Variants in CHN1 observed in about 807,000 individuals in gnomAD.
CHN1 encodes N-chimaerin.
Under a neutral mutation model 59.5 loss-of-function variants are expected in CHN1, and 37 were observed. The ratio of observed to expected loss-of-function variants is 0.62; its 90% CI spans 0.48 to 0.82. The LOEUF (loss-of-function observed/expected upper bound fraction) is 0.82, where lower values mean the gene tolerates loss of function less well. Ranked by LOEUF, CHN1 falls within the 40% of genes least tolerant of loss-of-function variation. The pLI is 0.00. For missense variants in CHN1, 469 were observed against 571.0 expected (o/e 0.82, Z 1.82); for synonymous variants, 206 against 200.4 (o/e 1.03, Z -0.24).
chr2:174,846,396 T>C, intron 7 of CHN1: 1 of 1,545,750 alleles, frequency 6.5e-7, no homozygotes, highest in Non-Finnish European at 8.7e-7. Context: ...CCATCCTCCT[T>C]TCATCATGGT....
At chr2:174,953,820 A>G (rs1358480152) in intron 1 of CHN1, among the ~76,000 whole-genome samples, 1 of 152,240 alleles carries the variant, frequency 6.6e-6, no homozygotes, top group Non-Finnish European at 1.5e-5. Context: ...AACACATCCC[A>G]TGCTCACGGA....
At chr2:174,962,532 C>G (rs991185734) in intron 1 of CHN1, among the ~76,000 whole-genome samples, 20 of 152,188 alleles carry the variant, frequency 1.3e-4, no homozygotes, top group African/African-American at 4.6e-4. Context: ...CTGTCAAACT[C>G]CATCAGCAGA....
intron 5 of CHN1, among the ~76,000 whole-genome samples, chr2:174,885,753 G>A (rs1175890513): frequency 6.6e-6 from 1 of 152,152 alleles, no homozygotes; most frequent in Admixed American, 6.5e-5. Flanking sequence ...TTACATTCGT[G>A]AGCCTGGCCT....
chr2:174,944,784 G>T, intron 3 of CHN1, 104 bp downstream of exon 3: 2 of 709,488 alleles, frequency 2.8e-6, no homozygotes, highest in Non-Finnish European at 2.4e-6. Flanking sequence ...ATCGATTAGT[G>T]TTAAGTGGTT....
chr2:174,858,201 C>T (rs891356976), intron 6 of CHN1, among the ~76,000 whole-genome samples: 3 of 152,094 alleles, frequency 2.0e-5, no homozygotes, highest in Non-Finnish European at 4.4e-5. Flanking sequence ...GGGCCTGTTA[C>T]AGACTTCTTT....
intron 5 of CHN1, among the ~76,000 whole-genome samples, chr2:174,893,338 G>C (rs558890384): frequency 6.6e-6 from 1 of 152,154 alleles, no homozygotes; most frequent in Admixed American, 6.5e-5. Context: ...TGAACAATCC[G>C]AAAGGGTAAC....
intron 1 of CHN1, among the ~76,000 whole-genome samples, chr2:174,958,989 A>G (rs890075665): frequency 1.3e-5 from 2 of 152,236 alleles, no homozygotes; most frequent in African/African-American, 2.4e-5. Context: ...ATGGCCAAAT[A>G]AATTTAGTAT....
intron 11 of CHN1, among the ~76,000 whole-genome samples, chr2:174,805,480 T>G (rs1413423168): frequency 6.6e-6 from 1 of 152,182 alleles, no homozygotes; most frequent in Non-Finnish European, 1.5e-5. Context: ...CTCCTCCCTT[T>G]AAAAGGGATT....
intron 1 of CHN1, among the ~76,000 whole-genome samples, chr2:174,983,285 A>T (rs969853783): frequency 3.3e-5 from 5 of 152,290 alleles, no homozygotes; most frequent in African/African-American, 7.2e-5. Context: ...CTTTTGTTTT[A>T]AAAAAAGTTG....
intron 7 of CHN1, chr2:174,846,551 G>A: frequency 2.5e-6 from 3 of 1,204,908 alleles, no homozygotes; most frequent in East Asian, 2.7e-5. Context: ...CTCCAACAGA[G>A]GTATTCAGAC....
chr2:174,918,673 T>C lies in CHN1; in HGVS notation c.115-108A>G. Reference sequence around the variant, plus strand: ...AGTAAAGCATATATTAAAAAAAGAATTCAAATAACAGAGTATGGAGTCCCA... The same window carrying C: ...AGTAAAGCATATATTAAAAAAAGAACTCAAATAACAGAGTATGGAGTCCCA... On this transcript the variant is annotated intron_variant, in intron 3 of 12. Transcript: ENST00000409900. The C allele has an allele frequency of 5.5e-6, 5 of 914,940 alleles. No individual in the cohort carries two copies. The Middle Eastern group carries it at 9.9e-4, about 182-fold the overall frequency. The allele number at this position is 914,940 out of a possible 1,614,324, so 56.7% of individuals were successfully genotyped here. A position where few individuals can be genotyped will look rare whatever the true frequency, so the allele number is the denominator to read the frequency against.
At chr2:174,829,698 A>G (rs1685806189) in intron 7 of CHN1, among the ~76,000 whole-genome samples, 1 of 152,196 alleles carries the variant, frequency 6.6e-6, no homozygotes, top group African/African-American at 2.4e-5. Context: ...TACGGGAAAT[A>G]AAATTTTGCT....
chr2:174,896,279 A>G (rs573164629), intron 5 of CHN1, among the ~76,000 whole-genome samples: 5 of 152,130 alleles, frequency 3.3e-5, no homozygotes, highest in Non-Finnish European at 7.4e-5. Flanking sequence ...TACACTTATA[A>G]AAGAGAAAAC....
At chr2:174,928,554 T>C (rs557512375) in intron 3 of CHN1, among the ~76,000 whole-genome samples, 1 of 152,208 alleles carries the variant, frequency 6.6e-6, no homozygotes, top group Non-Finnish European at 1.5e-5. Context: ...ATTAGAAATT[T>C]TGAAATGTAT....
At chr2:174,978,165 C>A (rs1035855331) in intron 1 of CHN1, among the ~76,000 whole-genome samples, 6 of 152,174 alleles carry the variant, frequency 3.9e-5, no homozygotes, top group Non-Finnish European at 7.4e-5. Flanking sequence ...GTTCTTTGAT[C>A]CAGGATCCAA....
At chr2:175,004,821 C>A in intron 1 of CHN1, 73 bp downstream of exon 1, 5 of 1,023,546 alleles carry the variant, frequency 4.9e-6, no homozygotes, top group East Asian at 4.5e-5. Flanking sequence ...GGCGCCCAGG[C>A]CCCCCAGGCC....
chr2:174,924,776 T>G (rs1053449643), intron 3 of CHN1, among the ~76,000 whole-genome samples: 3 of 152,212 alleles, frequency 2.0e-5, no homozygotes, highest in African/African-American at 7.2e-5. Context: ...GAACTTCAAG[T>G]GTTACATGCT....
chr2:174,932,909 G>A (rs894566272), intron 3 of CHN1, among the ~76,000 whole-genome samples: 1 of 152,184 alleles, frequency 6.6e-6, no homozygotes, highest in Admixed American at 6.5e-5. Context: ...GTATTACCCA[G>A]TCTCAGGCAT....
At chr2:174,811,115 TGAG>T (rs1685057889) in intron 10 of CHN1, 1 of 154,264 alleles carries the variant, frequency 6.5e-6, no homozygotes, top group South Asian at 2.0e-4. Flanking sequence ...AAGATGGTGA[TGAG>T]GATGCCAGCG....
Sources: allele counts gnomAD v4.1 joint callset (sites outside exome capture counted in the v4.1 genomes callset), GRCh38; gene constraint gnomAD v4.1.1; transcripts MANE v1.5; gene names NCBI Gene and HGNC (gene_info 2026-07-23, HGNC 2026-07-21).